Variants in ROBO2 observed in about 807,000 individuals in gnomAD.
The protein encoded by ROBO2 is roundabout guidance receptor 2.
A neutral mutation model predicts 160.8 loss-of-function variants in ROBO2; 53 were observed. The observed-to-expected ratio is 0.33, with a 90% confidence interval of 0.26 to 0.41. The LOEUF is 0.41. Ranked by LOEUF, ROBO2 falls within the 10% of genes least tolerant of loss-of-function variation. The pLI, the probability that ROBO2 is intolerant of heterozygous loss-of-function variation, is 1.00. For missense variants in ROBO2, 1,577 were observed against 1,722.4 expected, an observed-to-expected ratio of 0.92 and a Z score of 1.49; for synonymous variants, 664 against 611.7, an observed-to-expected ratio of 1.09 and a Z score of -1.26.
chr3:76,129,969 A>C (rs1407225024), intron 2 of ROBO2, among the ~76,000 whole-genome samples: 1 of 152,018 alleles, frequency 6.6e-6, no homozygotes, highest in Non-Finnish European at 1.5e-5. Context: ...ATAAACTAAA[A>C]GAAAGTTAAT....
intron 2 of ROBO2, among the ~76,000 whole-genome samples, chr3:76,591,083 A>G: frequency 6.6e-6 from 1 of 152,234 alleles, no homozygotes; most frequent in Admixed American, 6.5e-5. Context: ...GACTGCCCCA[A>G]AACTTAACTA....
In ROBO2 at chr3:77,351,658, G is replaced by A. The variant is rs558815822; in HGVS notation, c.389-125756G>A. On this transcript the variant is annotated intron_variant, in intron 2 of 25. Transcript: ENST00000461745. ...AGGTACCTCCTTAGACATCAAGAAG[G>A]TCTCATTTATCAGCAAGTAGAATGG... Among the ~76,000 whole-genome samples the A allele has an allele frequency of 3.9e-5, 6 of 152,184 alleles. No individual in the cohort carries two copies. The South Asian group carries it at 1.0e-3, about 26-fold the overall frequency.
chr3:77,443,602 AAAT>A (rs2153555987), intron 2 of ROBO2, among the ~76,000 whole-genome samples: 1 of 152,278 alleles, frequency 6.6e-6, no homozygotes, highest in Non-Finnish European at 1.5e-5. Flanking sequence ...GCATTTTATA[AAAT>A]AATAGAAGAA....
intron 2 of ROBO2, among the ~76,000 whole-genome samples, chr3:76,294,814 G>C (rs891519135): frequency 6.6e-6 from 1 of 152,202 alleles, no homozygotes; most frequent in Non-Finnish European, 1.5e-5. Flanking sequence ...GAAAGCATTT[G>C]CTCCCTGATT....
intron 2 of ROBO2, among the ~76,000 whole-genome samples, chr3:76,901,476 G>A (rs2075222984): frequency 6.8e-6 from 1 of 147,738 alleles, no homozygotes; most frequent in African/African-American, 2.5e-5. Context: ...GCTGAGGCAG[G>A]AGAATTGCTT....
At chr3:76,051,094 A>T (rs1020059705) in intron 2 of ROBO2, among the ~76,000 whole-genome samples, 2 of 152,032 alleles carry the variant, frequency 1.3e-5, no homozygotes, top group African/African-American at 2.4e-5. Flanking sequence ...ACTGTTTGTT[A>T]TATTTACTTG....
At chr3:77,315,951 A>C (rs1231916507) in intron 2 of ROBO2, among the ~76,000 whole-genome samples, 1 of 152,098 alleles carries the variant, frequency 6.6e-6, no homozygotes, top group Non-Finnish European at 1.5e-5. Flanking sequence ...ACAGCATTTG[A>C]AGGGGAGGAT....
intron 2 of ROBO2, among the ~76,000 whole-genome samples, chr3:76,839,544 G>A (rs191169017): frequency 6.6e-6 from 1 of 152,136 alleles, no homozygotes; most frequent in Admixed American, 6.6e-5. Flanking sequence ...GATCTTTTTA[G>A]TGTATTGTCG....
chr3:76,858,431 T>G (rs764104407), intron 2 of ROBO2, among the ~76,000 whole-genome samples: 1 of 152,082 alleles, frequency 6.6e-6, no homozygotes, highest in African/African-American at 2.4e-5. Context: ...ACGTGGCTAA[T>G]TTTTTGTATT....
chr3:76,868,382 T>A (rs2148660653), intron 2 of ROBO2, among the ~76,000 whole-genome samples: 1 of 152,312 alleles, frequency 6.6e-6, no homozygotes, highest in East Asian at 1.9e-4. Flanking sequence ...TGCTCCTGAA[T>A]GAACGAGAAT....
rs188543784 is a variant in ROBO2 at position 76,946,338 on chromosome 3, G to C, written c.110-151676G>C. On this transcript the variant is annotated intron_variant, in intron 2 of 26. Coordinates refer to the ROBO2 transcript ENST00000487694. ...CAGGGGTGGGGATTTTCTCACACAC[G>C]TACTGATTACCACTCAGTTGATTAC... 1.7e-3 allele frequency among the ~76,000 whole-genome samples: 256 copies of C among 152,146 alleles called. 1 individual carries two copies. Among genetic ancestry groups the C allele is most frequent in the African/African-American group, 5.2e-3 (217 of 41,480 alleles).
intron 2 of ROBO2, among the ~76,000 whole-genome samples, chr3:76,209,415 C>T (rs1031015251): frequency 5.9e-4 from 90 of 152,174 alleles, no homozygotes; most frequent in African/African-American, 1.9e-3. Context: ...ATAAGATTCT[C>T]TTTAGTCCCA....
intron 2 of ROBO2, among the ~76,000 whole-genome samples, chr3:76,582,830 T>A (rs1344238362): frequency 2.0e-5 from 3 of 152,128 alleles, no homozygotes; most frequent in Non-Finnish European, 4.4e-5. Context: ...AACACAAATG[T>A]TGACTAGCAA....
At chr3:77,261,323 A>G (rs1378503498) in intron 2 of ROBO2, among the ~76,000 whole-genome samples, 1 of 152,128 alleles carries the variant, frequency 6.6e-6, no homozygotes, top group Non-Finnish European at 1.5e-5. Flanking sequence ...AACAGCCACA[A>G]TTAGGTCCAA....
chr3:76,801,642 C>T (rs868135176), intron 2 of ROBO2, among the ~76,000 whole-genome samples: 30 of 152,134 alleles, frequency 2.0e-4, no homozygotes, highest in Non-Finnish European at 2.8e-4. Context: ...GCAAAACTTT[C>T]TCTGTATCAG....
At position 76,781,032 on chromosome 3, in the gene ROBO2, CT is replaced by C. The variant is rs371547177; in HGVS notation, c.110-316980del. 3.3e-3 allele frequency among the ~76,000 whole-genome samples: 503 copies of C among 150,738 alleles called. 1 individual carries two copies. Among genetic ancestry groups the C allele is most frequent in the African/African-American group, 0.012 (489 of 41,362 alleles). Reference sequence around the variant, plus strand: ...TATGAACATTTCAACAATATTAGTTCTTCCAATTCACAAATATGAAATATTT... The same window carrying C: ...TATGAACATTTCAACAATATTAGTTCTCCAATTCACAAATATGAAATATTT... On this transcript the variant is annotated intron_variant, in intron 2 of 26. Transcript: ENST00000487694.
At chr3:77,269,483 T>C (rs1386385299) in intron 2 of ROBO2, among the ~76,000 whole-genome samples, 2 of 152,214 alleles carry the variant, frequency 1.3e-5, no homozygotes, top group East Asian at 3.8e-4. Context: ...CCTAGCATCA[T>C]TTAGAATTCA....
At chr3:77,554,563 G>T (rs2153656120) in intron 8 of ROBO2, among the ~76,000 whole-genome samples, 1 of 152,048 alleles carries the variant, frequency 6.6e-6, no homozygotes, top group South Asian at 2.1e-4. Flanking sequence ...TATGGGAGGA[G>T]GGCAAAACAT....
chr3:76,618,967 A>G (rs1385133498), intron 2 of ROBO2, among the ~76,000 whole-genome samples: 1 of 151,838 alleles, frequency 6.6e-6, no homozygotes, highest in East Asian at 1.9e-4. Flanking sequence ...AAAAGAAATA[A>G]TTTTTAAGGG....
Sources: gnomAD v4.1 joint callset for allele counts (sites outside exome capture counted in the v4.1 genomes callset) on GRCh38, gnomAD v4.1.1 for gene constraint, MANE v1.5 for transcripts, NCBI Gene and HGNC (gene_info 2026-07-23, HGNC 2026-07-21) for gene names.